Variants in SLC25A10 observed in about 807,000 individuals in gnomAD.
SLC25A10 encodes the protein solute carrier family 25 member 10.
SLC25A10 carries 32 observed loss-of-function variants against 40.4 expected under a neutral mutation model. The ratio of observed to expected loss-of-function variants is 0.79; its 90% CI spans 0.60 to 1.06. The LOEUF (loss-of-function observed/expected upper bound fraction) is 1.06, where lower values mean the gene tolerates loss of function less well. SLC25A10 is among the 50% of genes least tolerant of loss of function. SLC25A10 has a pLI of 0.00. For synonymous variants in SLC25A10, 181 were observed against 171.1 expected, an observed-to-expected ratio of 1.06 and a Z score of -0.45; for missense variants, 394 against 402.6, an observed-to-expected ratio of 0.98 and a Z score of 0.18.
intron 1 of SLC25A10, 50 bp from the exon 2 acceptor site, chr17:81,714,903 C>T (rs907186255): frequency 1.9e-6 from 3 of 1,594,476 alleles, no homozygotes; most frequent in African/African-American, 2.7e-5. Flanking sequence ...ATGAACCTGG[C>T]ACCGATCCCT....
intron 9 of SLC25A10, among the ~76,000 whole-genome samples, chr17:81,719,528 G>A (rs906348876): frequency 2.6e-5 from 4 of 152,144 alleles, no homozygotes; most frequent in Non-Finnish European, 4.4e-5. Context: ...TGACGCTGCC[G>A]TGCTGCATCC....
chr17:81,712,824 A>G (rs944701751), intron 1 of SLC25A10, among the ~76,000 whole-genome samples: 3 of 152,242 alleles, frequency 2.0e-5, no homozygotes, highest in Non-Finnish European at 4.4e-5. Flanking sequence ...TGGGGGAGTC[A>G]CTTGGCCTCT....
Position 81,717,430 on chromosome 17 carries a change from T to C in SLC25A10, c.566T>C (p.Val189Ala). 6.2e-7 allele frequency: 1 copy of C among 1,613,612 alleles called. No individual in the cohort carries two copies. The highest frequency in any genetic ancestry group is 8.5e-7 in the Non-Finnish European group (1 of 1,179,940). Residue 189 changes from valine to alanine, a missense_variant, in exon 8 of 11, where the codon GTC becomes GCC. Transcript: ENST00000350690. ...TGCTACGACCAGGCCAAGCAGCTGG[T>C]CCTTAGCACCGGGTACCTCTCTGAC... ...LSCYDQAKQL[V>A]LSTGYLSDNI...
chr17:81,714,150 C>T (rs1327829829), intron 1 of SLC25A10, among the ~76,000 whole-genome samples: 3 of 152,216 alleles, frequency 2.0e-5, no homozygotes, highest in African/African-American at 7.2e-5. Context: ...GTTACGGGGC[C>T]GCGCACGTGC....
chr17:81,715,664 G>A (rs1340282319), intron 3 of SLC25A10, 29 bp from the exon 4 acceptor site: 1 of 1,613,178 alleles, frequency 6.2e-7, no homozygotes, highest in Non-Finnish European at 8.5e-7. Flanking sequence ...TGTCAGCACG[G>A]CTCATCTCTG....
intron 9 of SLC25A10, among the ~76,000 whole-genome samples, chr17:81,718,896 C>T (rs1469465055): frequency 1.3e-5 from 2 of 151,650 alleles, no homozygotes; most frequent in African/African-American, 4.8e-5. Context: ...TTGCAGTGAG[C>T]CGAGATTGCA....
intron 7 of SLC25A10, 88 bp from the exon 8 acceptor site, chr17:81,717,311 A>T: frequency 7.5e-7 from 1 of 1,338,610 alleles, no homozygotes; most frequent in Non-Finnish European, 1.1e-6. Flanking sequence ...GTGCTTGGCC[A>T]TTGCCAGGTG....
rs369631152 is a variant in SLC25A10 at position 81,715,607 on chromosome 17, G to A, written c.328+15G>A. ...CTCCGTCAGCGGTGAGCTGCCGGGC[G>A]GGAGGGGGAGGGGCGCGGGGTGGTC... On this transcript the variant is annotated intron_variant, in intron 3 of 10. Coordinates refer to ENST00000350690, the MANE Select transcript of SLC25A10 (RefSeq NM_012140.5). 84 of 1,611,450 alleles carry A rather than the reference G, an allele frequency of 5.2e-5. No individual in the cohort carries two copies. Among genetic ancestry groups the A allele is most frequent in the Non-Finnish European group, 6.4e-5 (76 of 1,178,754 alleles).
chr17:81,716,557 G>T lies in SLC25A10; in HGVS notation c.420-255G>T, dbSNP rs904401051. ...GACCCCGGGGGCTGGCGGGCAGGAG[G>T]CCTGCATGCTAGGAGCGGTGCCCAG... is the stretch of plus-strand genomic sequence containing the variant. On this transcript the variant is annotated intron_variant, in intron 5 of 10. Coordinates refer to ENST00000350690, the MANE Select transcript of SLC25A10 (RefSeq NM_012140.5). 4.5e-5 allele frequency: 26 copies of T among 581,968 alleles called. No individual in the cohort carries two copies. The South Asian group carries it at 4.6e-4, about 10-fold the overall frequency. The allele number at this position is 581,968 out of a possible 1,614,324, so 36.1% of individuals were successfully genotyped here.
At position 81,717,016 on chromosome 17, in the gene SLC25A10, C is replaced by T. The variant is rs771191310; in HGVS notation, c.478C>T (p.Leu160=). Residue 160 remains leucine (L), a synonymous_variant, in exon 7 of 11, where the codon CTG becomes TTG. Coordinates refer to ENST00000350690, the MANE Select transcript of SLC25A10 (RefSeq NM_012140.5). ...TCCTTGTGCAGAGGGTCTCAGGAGA[C>T]TGTTCTCGGGTGCAACCATGGCATC... ...RVAREEGLRR[L]FSGATMASSR... is the part of the protein sequence containing the mutation. 114 of 1,613,526 alleles carry T rather than the reference C, an allele frequency of 7.1e-5. No individual in the cohort carries two copies. Among genetic ancestry groups the T allele is most frequent in the Non-Finnish European group, 5.8e-5 (68 of 1,179,898 alleles).
chr17:81,718,750 C>G (rs1477420734), intron 9 of SLC25A10, among the ~76,000 whole-genome samples: 4 of 151,446 alleles, frequency 2.6e-5, no homozygotes, highest in Non-Finnish European at 5.9e-5. Context: ...AGTTGGAGAC[C>G]AGCCTGACCA....
chr17:81,715,755 C>G lies in SLC25A10; in HGVS notation c.377+14C>G. ...GGTCAACGTCAGGTTGGTGTTCCCC[C>G]ACCCCACCTGCAAGGCCAGGGGCTT... On this transcript the variant is annotated intron_variant, in intron 4 of 10. Transcript: ENST00000350690. The G allele has an allele frequency of 6.2e-7, 1 of 1,613,102 alleles. No homozygotes were observed. The highest frequency in any genetic ancestry group is 8.5e-7 in the Non-Finnish European group (1 of 1,179,836).
chr17:81,715,430 G>A, intron 2 of SLC25A10, 48 bp from the exon 3 acceptor site: 1 of 1,518,972 alleles, frequency 6.6e-7, no homozygotes, highest in Non-Finnish European at 9.1e-7. Flanking sequence ...GCGAGGCTGA[G>A]GGGTGTGGGG....
intron 1 of SLC25A10, among the ~76,000 whole-genome samples, chr17:81,714,175 G>A (rs553659065): frequency 3.9e-5 from 6 of 152,222 alleles, no homozygotes; most frequent in Non-Finnish European, 8.8e-5. Flanking sequence ...CACACTGAGC[G>A]GCGGAAGGAC....
Position 81,714,944 on chromosome 17 carries a change from CT to C in SLC25A10, c.94-8del, listed in dbSNP as rs769027447. 21 of 1,606,562 alleles carry C rather than the reference CT, an allele frequency of 1.3e-5. No homozygotes were observed. In the African/African-American group the frequency reaches 2.1e-4, roughly 16 times the overall value. On this transcript the variant is annotated splice_region_variant and splice_polypyrimidine_tract_variant and intron_variant, in intron 1 of 10. Transcript: ENST00000350690. ...TCGCTGTGGGGTCTGAGAGCACTCACTCCCGCAGGTGCATCTGCAGACGCAG... is the reference window on the plus strand; with the variant it reads ...TCGCTGTGGGGTCTGAGAGCACTCACCCCGCAGGTGCATCTGCAGACGCAG...
rs968272863 is a variant in SLC25A10 at position 81,720,812 on chromosome 17, G to A, written c.*735G>A. The stretch of plus-strand genomic sequence containing the variant: ...TTCAGGGATTGTGCCTGCGTCCCTC[G>A]GGCACCTGGGCCCCCCCGCTTGGCT... On this transcript the variant is annotated 3_prime_UTR_variant, in exon 11 of 11. Coordinates refer to ENST00000350690, the MANE Select transcript of SLC25A10 (RefSeq NM_012140.5). 3 of 251,092 alleles carry A rather than the reference G, an allele frequency of 1.2e-5. No homozygotes were observed. The highest frequency in any genetic ancestry group is 4.5e-5 in the African/African-American group (2 of 44,902). The allele number at this position is 251,092 out of a possible 1,614,324, so 15.6% of individuals were successfully genotyped here. A position where few individuals can be genotyped will look rare whatever the true frequency, so the allele number is the denominator to read the frequency against.
intron 9 of SLC25A10, among the ~76,000 whole-genome samples, chr17:81,718,079 C>A (rs2037522034): frequency 1.3e-5 from 2 of 152,232 alleles, no homozygotes; most frequent in African/African-American, 4.8e-5. Context: ...GGCGCAGTGG[C>A]TCATGCCTGT....
intron 6 of SLC25A10, 31 bp from the exon 7 acceptor site, chr17:81,716,971 T>C (rs2037500353): frequency 6.2e-7 from 1 of 1,612,606 alleles, no homozygotes; most frequent in South Asian, 1.1e-5. Flanking sequence ...ACCCCTTGCC[T>C]CACCCCTTGC....
In SLC25A10 at chr17:81,720,019, T is replaced by C; in HGVS notation, c.806T>C (p.Leu269Pro). 1 of 1,613,738 alleles carries C rather than the reference T, an allele frequency of 6.2e-7. No individual in the cohort carries two copies. The highest frequency in any genetic ancestry group is 8.5e-7 in the Non-Finnish European group (1 of 1,180,024). ...ATCCGCCTCATCCCCCACACCGTGC[T>C]CACTTTTGTGTTTCTGGAACAGCTA... ...AGIRLIPHTV[L>P]TFVFLEQLRK... Residue 269 changes from leucine to proline, a missense_variant, in exon 11 of 11, where the codon CTC becomes CCC. Transcript: ENST00000350690.
Sources: gnomAD v4.1 joint callset for allele counts (sites outside exome capture counted in the v4.1 genomes callset) on GRCh38, gnomAD v4.1.1 for gene constraint, MANE v1.5 for transcripts, NCBI Gene and HGNC (gene_info 2026-07-23, HGNC 2026-07-21) for gene names.